PJA2: variants seen among roughly 807,000 people sequenced by gnomAD.
The protein encoded by PJA2 is praja ring finger ubiquitin ligase 2, also known as E3 ubiquitin-protein ligase Praja-2.
In PJA2, 25 loss-of-function variants were observed where a neutral mutation model predicts 69.3. The ratio of observed to expected loss-of-function variants is 0.36; its 90% CI spans 0.26 to 0.50. PJA2 has a LOEUF of 0.50. PJA2 is among the 20% of genes least tolerant of loss of function. The pLI, the probability that PJA2 is intolerant of heterozygous loss-of-function variation, is 0.96. For missense variants in PJA2, 809 were observed against 830.2 expected (o/e 0.97, Z 0.31); for synonymous variants, 308 against 277.8 (o/e 1.11, Z -1.08).
In PJA2 at chr5:109,349,142, T is replaced by G. The variant is rs150325683; in HGVS notation, c.1765-4323A>C. On this transcript the variant is annotated intron_variant, in intron 7 of 9. Transcript: ENST00000361189. ...TTGTTGGGTGGAAATACAATTCTAT[T>G]GATGGATGGAAATTTAAATGTGCAT... Among the ~76,000 whole-genome samples, 547 of 152,296 alleles carry G rather than the reference T, an allele frequency of 3.6e-3. 2 individuals carry two copies. The highest frequency in any genetic ancestry group is 0.013 in the African/African-American group (529 of 41,566).
chr5:109,363,248 A>G (rs764028033), intron 5 of PJA2, among the ~76,000 whole-genome samples: 1 of 152,230 alleles, frequency 6.6e-6, no homozygotes, highest in Non-Finnish European at 1.5e-5. Flanking sequence ...ACATAGGAAC[A>G]TATTTATTTG....
intron 7 of PJA2, among the ~76,000 whole-genome samples, chr5:109,345,453 G>A (rs1199802490): frequency 6.9e-6 from 1 of 144,112 alleles, no homozygotes; most frequent in African/African-American, 2.5e-5. Context: ...GGAGGCAGAG[G>A]TTGCAGTGAG....
chr5:109,397,539 G>A (rs1747441797), intron 1 of PJA2, among the ~76,000 whole-genome samples: 1 of 151,684 alleles, frequency 6.6e-6, no homozygotes, highest in East Asian at 1.9e-4. Context: ...TATTTTTTGA[G>A]ACGGAGTCTC....
intron 1 of PJA2, among the ~76,000 whole-genome samples, chr5:109,396,877 G>A (rs1243528297): frequency 6.6e-6 from 1 of 151,974 alleles, no homozygotes; most frequent in Non-Finnish European, 1.5e-5. Flanking sequence ...ACTAAAGAAA[G>A]TGAAAAGAAA....
intron 4 of PJA2, 84 bp downstream of exon 4, chr5:109,378,120 A>G (rs1746934979): frequency 1.0e-6 from 1 of 972,028 alleles, no homozygotes; most frequent in African/African-American, 1.6e-5. Context: ...GATCATATCA[A>G]ATAGCCCAGC....
intron 4 of PJA2, among the ~76,000 whole-genome samples, chr5:109,370,620 C>G (rs1436233623): frequency 6.6e-6 from 1 of 151,962 alleles, no homozygotes; most frequent in African/African-American, 2.4e-5. Context: ...TTTCTGTGAC[C>G]CAAAGAATAA....
At position 109,388,919 on chromosome 5, in the gene PJA2, CA is replaced by C. The variant is rs796901312; in HGVS notation, c.-87-5400del. ...AATTTTGATAATTTACACCTATTATCACAACTGAGATATAAATTAAGAACTA... is the reference window on the plus strand; with the variant it reads ...AATTTTGATAATTTACACCTATTATCCAACTGAGATATAAATTAAGAACTA... On this transcript the variant is annotated intron_variant, in intron 1 of 9. Transcript: ENST00000361189. Among the ~76,000 whole-genome samples, 14 of 152,208 alleles carry C rather than the reference CA, an allele frequency of 9.2e-5. No homozygotes were observed. The East Asian group carries it at 2.7e-3, about 29-fold the overall frequency.
intron 1 of PJA2, among the ~76,000 whole-genome samples, chr5:109,401,635 T>C (rs1025546557): frequency 6.6e-6 from 1 of 152,246 alleles, no homozygotes; most frequent in East Asian, 1.9e-4. Flanking sequence ...AACAATAAAT[T>C]TATATCCAGC....
chr5:109,406,069 A>G (rs1280991603), intron 1 of PJA2, among the ~76,000 whole-genome samples: 1 of 130,058 alleles, frequency 7.7e-6, no homozygotes, highest in Non-Finnish European at 1.6e-5. Context: ...TTTGAGACGG[A>G]GTCTCGCTCT....
At chr5:109,394,482 G>A (rs1414618642) in intron 1 of PJA2, among the ~76,000 whole-genome samples, 1 of 152,194 alleles carries the variant, frequency 6.6e-6, no homozygotes, top group Non-Finnish European at 1.5e-5. Context: ...ATATTCAAGT[G>A]TTAAAGTTGT....
At chr5:109,405,678 T>C (rs116736972) in intron 1 of PJA2, among the ~76,000 whole-genome samples, 3,435 of 152,258 alleles carry the variant, frequency 0.023, 56 homozygotes, top group Non-Finnish European at 0.034. Flanking sequence ...GAACTACATA[T>C]ACATTTGAAA....
At chr5:109,352,839 A>G (rs181675160) in intron 7 of PJA2, among the ~76,000 whole-genome samples, 275 of 150,764 alleles carry the variant, frequency 1.8e-3, no homozygotes, top group Non-Finnish European at 3.2e-3. Flanking sequence ...AGACATCTAT[A>G]TATTAGATAT....
Position 109,337,118 on chromosome 5 carries a change from T to C in PJA2, c.*113A>G, listed in dbSNP as rs1057299422. 2 of 976,632 alleles carry C rather than the reference T, an allele frequency of 2.0e-6. No homozygotes were observed. Among genetic ancestry groups the C allele is most frequent in the East Asian group, 3.6e-5 (1 of 28,104 alleles). The allele number at this position is 976,632 out of a possible 1,614,324, so 60.5% of individuals were successfully genotyped here. ...TTAATATTCTTTCTAAACTATGGCA[T>C]ATACTATATATAGCATTTTTAAATA... is the stretch of plus-strand genomic sequence containing the variant. On this transcript the variant is annotated 3_prime_UTR_variant, in exon 10 of 10. Transcript: ENST00000361189.
chr5:109,367,751 T>C (rs1311781016), intron 5 of PJA2, among the ~76,000 whole-genome samples: 2 of 152,196 alleles, frequency 1.3e-5, no homozygotes, highest in South Asian at 4.1e-4. Flanking sequence ...GTGATCAGAT[T>C]TGGTTTATTT....
At chr5:109,409,242 C>T (rs1004580289) in intron 1 of PJA2, 2 of 152,202 alleles carry the variant, frequency 1.3e-5, no homozygotes, top group African/African-American at 2.4e-5. Context: ...GGTGCTGATC[C>T]CGGGAGTAGA....
At chr5:109,365,330 A>G (rs1385573468) in intron 5 of PJA2, among the ~76,000 whole-genome samples, 1 of 152,222 alleles carries the variant, frequency 6.6e-6, no homozygotes, top group East Asian at 1.9e-4. Context: ...TAAAATGAAT[A>G]AAGGAAATCT....
intron 6 of PJA2, among the ~76,000 whole-genome samples, chr5:109,359,627 C>G (rs1382920109): frequency 1.3e-5 from 2 of 152,214 alleles, no homozygotes; most frequent in South Asian, 2.1e-4. Flanking sequence ...AATAAATGAC[C>G]TGTACTTTTT....
rs556233935 is a variant in PJA2, at chr5:109,403,776, A to C, written c.-88+6066T>G. Among the ~76,000 whole-genome samples, 6 of 152,024 alleles carry C rather than the reference A, an allele frequency of 3.9e-5. No individual in the cohort carries two copies. The East Asian group carries it at 5.8e-4, about 15-fold the overall frequency. On this transcript the variant is annotated intron_variant, in intron 1 of 9. Coordinates refer to ENST00000361189, the MANE Select transcript of PJA2 (RefSeq NM_014819.5). Reference sequence around the variant, plus strand: ...TCCACTCATGATTTAAAAAAAAAAAAAAAAAAAACTCTCTGCCAGGCGCAG... The same window carrying C: ...TCCACTCATGATTTAAAAAAAAAAACAAAAAAAACTCTCTGCCAGGCGCAG...
chr5:109,355,066 G>A (rs1202911064), intron 7 of PJA2, among the ~76,000 whole-genome samples: 1 of 152,162 alleles, frequency 6.6e-6, no homozygotes, highest in African/African-American at 2.4e-5. Context: ...CAGGGCTGTA[G>A]TAAGCTATGA....
Sources: allele counts gnomAD v4.1 joint callset (sites outside exome capture counted in the v4.1 genomes callset), GRCh38; gene constraint gnomAD v4.1.1; transcripts MANE v1.5; gene names NCBI Gene and HGNC (gene_info 2026-07-23, HGNC 2026-07-21).